The following KATNBL1 variants were observed in gnomAD, a reference collection of about 807,000 sequenced individuals.
The protein encoded by KATNBL1 is KATNB1-like protein 1.
Under a neutral mutation model 44.7 loss-of-function variants are expected in KATNBL1, and 28 were observed. That is an observed-to-expected ratio of 0.63 (90% CI 0.46 to 0.86). The LOEUF (loss-of-function observed/expected upper bound fraction) is 0.86, where lower values mean the gene tolerates loss of function less well. KATNBL1 is among the 40% of genes least tolerant of loss of function. KATNBL1 has a pLI of 0.00. For synonymous variants in KATNBL1, 78 were observed against 114.9 expected (o/e 0.68, Z 2.06); for missense variants, 272 against 350.7 (o/e 0.78, Z 1.79).
In KATNBL1 at chr15:34,142,179, G is replaced by T; in HGVS notation, c.*160C>A. ...CCACTTCAATGTGAAGCAGATTGCT[G>T]GGATTTCATTAGTGGTTTCATTACG... On this transcript the variant is annotated 3_prime_UTR_variant, in exon 10 of 10. Transcript: ENST00000256544. The T allele has an allele frequency of 1.7e-6, 1 of 601,516 alleles. No homozygotes were observed. Among genetic ancestry groups the T allele is most frequent in the Non-Finnish European group, 2.6e-6 (1 of 386,734 alleles). The allele number at this position is 601,516 out of a possible 1,614,324, so 37.3% of individuals were successfully genotyped here. A position where few individuals can be genotyped will look rare whatever the true frequency, so the allele number is the denominator to read the frequency against.
intron 1 of KATNBL1, among the ~76,000 whole-genome samples, chr15:34,185,592 T>C (rs555846816): frequency 1.1e-4 from 17 of 152,336 alleles, no homozygotes; most frequent in African/African-American, 3.8e-4. Flanking sequence ...ACACTCAAAA[T>C]ACTGTTACCA....
intron 9 of KATNBL1, chr15:34,145,185 G>A: frequency 7.4e-7 from 1 of 1,359,056 alleles, no homozygotes. Context: ...TTCAGGGGCT[G>A]TACATGAAAC....
chr15:34,191,511 T>C (rs900688134), intron 1 of KATNBL1, among the ~76,000 whole-genome samples: 93 of 152,262 alleles, frequency 6.1e-4, no homozygotes, highest in Non-Finnish European at 1.1e-3. Flanking sequence ...ATTGCCCAAC[T>C]GTTTTTACAG....
chr15:34,150,369 T>C (rs1010545918), intron 4 of KATNBL1, among the ~76,000 whole-genome samples: 2 of 152,150 alleles, frequency 1.3e-5, no homozygotes, highest in African/African-American at 4.8e-5. Context: ...TGAGGCAGGT[T>C]GATCGCTTCA....
chr15:34,191,097 G>T (rs1463816197), intron 1 of KATNBL1, among the ~76,000 whole-genome samples: 1 of 149,912 alleles, frequency 6.7e-6, no homozygotes, highest in African/African-American at 2.4e-5. Flanking sequence ...CCAACCACTT[G>T]AATGTATTTC....
intron 5 of KATNBL1, among the ~76,000 whole-genome samples, chr15:34,147,651 TA>T (rs1218615714): frequency 6.6e-6 from 1 of 151,768 alleles, no homozygotes; most frequent in Non-Finnish European, 1.5e-5. Flanking sequence ...AGACAGGCAA[TA>T]AACAAATAAC....
At position 34,163,570 on chromosome 15, in the gene KATNBL1, T is replaced by C. The variant is rs1456230251; in HGVS notation, c.107A>G (p.Asn36Ser). The C allele has an allele frequency of 6.3e-7, 1 of 1,595,748 alleles. No homozygotes were observed. Among genetic ancestry groups the C allele is most frequent in the Non-Finnish European group, 8.5e-7 (1 of 1,175,532 alleles). Reference protein sequence around the residue: ...RKKISNFTNKNMKEVKKSPKQ... With the variant: ...RKKISNFTNKSMKEVKKSPKQ... ...AAACCATAGACTTACCTCCTTCATG[T>C]TCTTATTAGTGAAATTAGAGATCTT... is the stretch of plus-strand genomic sequence containing the variant. The change falls in exon 2 of 10, where the codon AAC becomes AGC. Residue 36 changes from asparagine to serine, a missense_variant. By Grantham distance (46) the Asn-to-Ser change is conservative. This residue lies in a region of KATNBL1 where 122 missense variants were observed against 125.0 expected (regional missense o/e 0.98). Coordinates refer to ENST00000256544, the MANE Select transcript of KATNBL1 (RefSeq NM_024713.3).
chr15:34,193,274 C>CT (rs1889940307), intron 1 of KATNBL1, among the ~76,000 whole-genome samples: 2 of 149,154 alleles, frequency 1.3e-5, no homozygotes, highest in Admixed American at 1.4e-4. Context: ...TGGATCATGC[C>CT]TGTAATCCCA....
chr15:34,204,907 T>G (rs1158461941), intron 1 of KATNBL1, among the ~76,000 whole-genome samples: 3 of 152,206 alleles, frequency 2.0e-5, no homozygotes, highest in African/African-American at 7.2e-5. Flanking sequence ...CTGAGAAACT[T>G]TGTATACGAA....
In KATNBL1 at chr15:34,181,640, ACACATATATATG is replaced by A. The variant is rs1482759143; in HGVS notation, c.-14-17962_-14-17951del. 5.1e-4 allele frequency among the ~76,000 whole-genome samples: 62 copies of A among 121,512 alleles called. 1 individual carries two copies. The highest frequency in any genetic ancestry group is 6.7e-4 in the Non-Finnish European group (38 of 56,450). The allele number at this position is 121,512 out of a possible 152,430, so 79.7% of individuals were successfully genotyped here. A position where few individuals can be genotyped will look rare whatever the true frequency, so the allele number is the denominator to read the frequency against. ...TACACATATATATGTCCATATATATACACATATATATGTCCATATATATATCCATATATATAC... is the reference window on the plus strand; with the variant it reads ...TACACATATATATGTCCATATATATATCCATATATATATCCATATATATAC... On this transcript the variant is annotated intron_variant, in intron 1 of 9. Transcript: ENST00000256544.
rs574165968 is a variant in KATNBL1 at position 34,210,025 on chromosome 15, C to T, written c.-89G>A. On this transcript the variant is annotated 5_prime_UTR_variant, in exon 1 of 10. Transcript: ENST00000256544. ...CCAGCGCCCGGCAGCCTAGAGAGTCCCTCGGCTTCTGGGCCGAGTCCCACT... is the reference window on the plus strand; with the variant it reads ...CCAGCGCCCGGCAGCCTAGAGAGTCTCTCGGCTTCTGGGCCGAGTCCCACT... 1 of 152,016 alleles carries T rather than the reference C, an allele frequency of 6.6e-6. No individual in the cohort carries two copies. The highest frequency in any genetic ancestry group is 6.5e-5 in the Admixed American group (1 of 15,288). 9.4% of individuals were successfully genotyped at this position (152,016 alleles called of 1,614,324 possible). A position where few individuals can be genotyped will look rare whatever the true frequency, so the allele number is the denominator to read the frequency against.
Position 34,203,669 on chromosome 15 carries a change from T to C in KATNBL1, c.-15+6282A>G, listed in dbSNP as rs1595369368. 2.0e-5 allele frequency among the ~76,000 whole-genome samples: 3 copies of C among 152,242 alleles called. No homozygotes were observed. The South Asian group carries it at 6.2e-4, about 31-fold the overall frequency. Reference sequence around the variant, plus strand: ...GGAACCATGTTCATTGTACCTAGAATAGATACACTTATTCTGGTATCTATT... The same window carrying C: ...GGAACCATGTTCATTGTACCTAGAACAGATACACTTATTCTGGTATCTATT... On this transcript the variant is annotated intron_variant, in intron 1 of 9. Transcript: ENST00000256544.
intron 2 of KATNBL1, among the ~76,000 whole-genome samples, chr15:34,158,843 G>A (rs757603861): frequency 6.6e-6 from 1 of 152,122 alleles, no homozygotes; most frequent in Non-Finnish European, 1.5e-5. Context: ...CAATTACCCA[G>A]GAAGAGCCAT....
At position 34,159,885 on chromosome 15, in the gene KATNBL1, T is replaced by A. The variant is rs114599388; in HGVS notation, c.117+3675A>T. On this transcript the variant is annotated intron_variant, in intron 2 of 9. Transcript: ENST00000256544. ...GCTCTAAACCCTTCTCCTTTTACCC[T>A]TGAGATAAAAAGTTCTTCTTGTGAA... is the stretch of plus-strand genomic sequence containing the variant. 4.1e-3 allele frequency among the ~76,000 whole-genome samples: 617 copies of A among 152,316 alleles called. 6 individuals carry two copies. The highest frequency in any genetic ancestry group is 0.014 in the African/African-American group (586 of 41,570).
intron 1 of KATNBL1, among the ~76,000 whole-genome samples, chr15:34,167,686 C>A (rs1011222430): frequency 6.6e-6 from 1 of 152,138 alleles, no homozygotes; most frequent in East Asian, 1.9e-4. Context: ...ATGTTAAGGG[C>A]AGCCAGAGAG....
chr15:34,201,793 G>C (rs896737524), intron 1 of KATNBL1, among the ~76,000 whole-genome samples: 1 of 152,034 alleles, frequency 6.6e-6, no homozygotes, highest in Admixed American at 6.6e-5. Context: ...CTGTATCCGT[G>C]GGTTCAGCAT....
intron 1 of KATNBL1, among the ~76,000 whole-genome samples, chr15:34,200,567 T>C (rs926682829): frequency 2.6e-5 from 4 of 152,078 alleles, no homozygotes; most frequent in African/African-American, 7.2e-5. Flanking sequence ...CGCCCACCAC[T>C]TTCTCTTAAT....
At chr15:34,192,683 C>CT (rs990118770) in intron 1 of KATNBL1, among the ~76,000 whole-genome samples, 31 of 152,236 alleles carry the variant, frequency 2.0e-4, no homozygotes, top group African/African-American at 7.5e-4. Context: ...AGACTACGTG[C>CT]TGTCCCTCCT....
At chr15:34,201,980 T>C (rs1890186711) in intron 1 of KATNBL1, among the ~76,000 whole-genome samples, 2 of 152,216 alleles carry the variant, frequency 1.3e-5, no homozygotes, top group Admixed American at 6.5e-5. Flanking sequence ...TTAAGGTGTA[T>C]GGGAGGATGT....
Sources: allele counts gnomAD v4.1 joint callset (sites outside exome capture counted in the v4.1 genomes callset), GRCh38; gene constraint gnomAD v4.1.1; regional missense constraint gnomAD v4.1.1; transcripts MANE v1.5; gene names NCBI Gene and HGNC (gene_info 2026-07-23, HGNC 2026-07-21).